Variants in VGLL4 observed in about 807,000 individuals in gnomAD.
VGLL4 encodes the protein vestigial like family member 4.
Under a neutral mutation model 21.0 loss-of-function variants are expected in VGLL4, and 7 were observed. The observed-to-expected ratio is 0.33, with a 90% CI of 0.19 to 0.63. The LOEUF is 0.63. Among genes scored for constraint, VGLL4 ranks in the 20% least tolerant of loss-of-function variants. VGLL4 has a pLI of 0.78. For synonymous variants in VGLL4, 222 were observed against 173.2 expected (o/e 1.28, Z -2.21); for missense variants, 394 against 425.7 (o/e 0.93, Z 0.66).
intron 2 of VGLL4, among the ~76,000 whole-genome samples, chr3:11,581,531 A>T (rs1434182332): frequency 2.6e-5 from 4 of 152,184 alleles, no homozygotes; most frequent in African/African-American, 9.7e-5. Context: ...CGGAACAAGG[A>T]GGGGACAAAA....
At chr3:11,628,298 G>A (rs959553430) in intron 1 of VGLL4, among the ~76,000 whole-genome samples, 1 of 152,028 alleles carries the variant, frequency 6.6e-6, no homozygotes, top group East Asian at 1.9e-4. Flanking sequence ...TGAAGCAGGA[G>A]AATGGCTTGA....
At chr3:11,622,834 CAG>C (rs1559906144) in intron 1 of VGLL4, among the ~76,000 whole-genome samples, 1 of 152,166 alleles carries the variant, frequency 6.6e-6, no homozygotes, top group Admixed American at 6.5e-5. Context: ...TCTGTCAAAT[CAG>C]AGAGACAGAT....
chr3:11,564,843 CTGCTGGCGT>C lies in VGLL4; in HGVS notation c.440_448del (p.Asp147_Arg150delinsGly). 6 of 1,602,302 alleles carry C rather than the reference CTGCTGGCGT, an allele frequency of 3.7e-6. No homozygotes were observed. The highest frequency in any genetic ancestry group is 5.1e-6 in the Non-Finnish European group (6 of 1,175,708). On this transcript the variant is annotated inframe_deletion, in exon 3 of 5. Coordinates refer to ENST00000430365, the MANE Select transcript of VGLL4 (RefSeq NM_001128219.3). The stretch of plus-strand genomic sequence containing the variant: ...CAGTGTGGGCGAGAGGCCGGCTGGC[CTGCTGGCGT>C]CCAGGCTGTTCTTGGTCAGTGCGAG...
At chr3:11,698,853 T>C (rs9811530) in intron 2 of VGLL4, among the ~76,000 whole-genome samples, 67,270 of 152,040 alleles carry the variant, frequency 0.44, 15,831 homozygotes, top group Non-Finnish European at 0.54. Flanking sequence ...TCAGGTATTA[T>C]AGACTCAAGT....
intron 1 of VGLL4, among the ~76,000 whole-genome samples, chr3:11,619,864 AC>A (rs946797689): frequency 1.2e-4 from 18 of 152,234 alleles, no homozygotes; most frequent in South Asian, 2.1e-4. Context: ...CTCTGTAGGA[AC>A]CAACATGCAT....
intron 2 of VGLL4, among the ~76,000 whole-genome samples, chr3:11,677,599 T>C (rs553549446): frequency 6.6e-6 from 1 of 152,198 alleles, no homozygotes; most frequent in Non-Finnish European, 1.5e-5. Context: ...TTAGAAGTGC[T>C]ATAGCGCGTA....
At chr3:11,691,580 A>G (rs572338842) in intron 2 of VGLL4, among the ~76,000 whole-genome samples, 1 of 152,310 alleles carries the variant, frequency 6.6e-6, no homozygotes, top group Admixed American at 6.5e-5. Flanking sequence ...CAGTGGCCAG[A>G]GCTGAGTGGT....
At position 11,559,378 on chromosome 3, in the gene VGLL4, G is replaced by T; in HGVS notation, c.573C>A (p.Ser191Arg). The stretch of plus-strand genomic sequence containing the variant: ...TGGCAGGCCCGGGCGCGGCACAGCC[G>T]CTGTGCGCGATGGGGCAGTGCGAGA... Reference protein sequence around the residue: ...CNLSHCPIAHSGCAAPGPASY... With the variant: ...CNLSHCPIAHRGCAAPGPASY... The change falls in exon 4 of 5, where the codon AGC (serine) becomes AGA (arginine). Residue 191 changes from serine (S) to arginine (R), a missense_variant. By Grantham distance (110) the Ser-to-Arg change is moderately radical. Transcript: ENST00000430365. 1 of 1,554,378 alleles carries T rather than the reference G, an allele frequency of 6.4e-7. No individual in the cohort carries two copies. The highest frequency in any genetic ancestry group is 8.7e-7 in the Non-Finnish European group (1 of 1,149,630).
chr3:11,635,245 G>A (rs888639280), intron 1 of VGLL4, among the ~76,000 whole-genome samples: 1 of 152,172 alleles, frequency 6.6e-6, no homozygotes, highest in Non-Finnish European at 1.5e-5. Context: ...TCTAATGGCT[G>A]GAACAAACAC....
intron 2 of VGLL4, among the ~76,000 whole-genome samples, chr3:11,595,842 G>GC (rs1491121153): frequency 0.02 from 392 of 19,140 alleles, 5 homozygotes; most frequent in East Asian, 0.13. Flanking sequence ...GTTGTGGTGT[G>GC]GGGGGGGCGG....
chr3:11,675,067 C>T (rs768179346), intron 2 of VGLL4, among the ~76,000 whole-genome samples: 6 of 152,214 alleles, frequency 3.9e-5, no homozygotes, highest in Non-Finnish European at 5.9e-5. Context: ...ATAGGCTGGG[C>T]GCAGTGGCTC....
chr3:11,687,080 T>C (rs1007102645), intron 2 of VGLL4, among the ~76,000 whole-genome samples: 1 of 152,210 alleles, frequency 6.6e-6, no homozygotes, highest in Non-Finnish European at 1.5e-5. Context: ...GTCAGTATTA[T>C]CCCATTCCAA....
chr3:11,630,229 A>G (rs1416275310), intron 1 of VGLL4, among the ~76,000 whole-genome samples: 3 of 152,276 alleles, frequency 2.0e-5, no homozygotes, highest in Non-Finnish European at 4.4e-5. Flanking sequence ...CAACAGTGTC[A>G]TAATAGGCAT....
chr3:11,716,196 G>A (rs2076916526), intron 1 of VGLL4, among the ~76,000 whole-genome samples: 14 of 151,832 alleles, frequency 9.2e-5, no homozygotes, highest in Admixed American at 9.2e-4. Context: ...CAGCTACTCG[G>A]GAGGCTGAGG....
chr3:11,627,029 T>C (rs1326170478), intron 1 of VGLL4, among the ~76,000 whole-genome samples: 1 of 151,832 alleles, frequency 6.6e-6, no homozygotes, highest in Non-Finnish European at 1.5e-5. Flanking sequence ...TTAAATGTAG[T>C]CATACTAGAA....
At chr3:11,582,505 G>C in intron 2 of VGLL4, 1 of 715,086 alleles carries the variant, frequency 1.4e-6, no homozygotes, top group Non-Finnish European at 2.2e-6. Context: ...GGGTAGGTCA[G>C]GAACTCCTGG....
chr3:11,599,957 T>C (rs1410800181), intron 2 of VGLL4, among the ~76,000 whole-genome samples: 2 of 152,204 alleles, frequency 1.3e-5, no homozygotes, highest in African/African-American at 4.8e-5. Flanking sequence ...ATATTATCTG[T>C]GATGAAAGAT....
intron 3 of VGLL4, among the ~76,000 whole-genome samples, chr3:11,562,032 G>A (rs892197554): frequency 2.0e-5 from 3 of 151,740 alleles, no homozygotes; most frequent in African/African-American, 7.3e-5. Context: ...CGAGTAGCTG[G>A]GATTACAGGC....
intron 2 of VGLL4, among the ~76,000 whole-genome samples, chr3:11,579,274 G>GA (rs1273205148): frequency 2.8e-5 from 4 of 145,218 alleles, no homozygotes; most frequent in African/African-American, 1.0e-4. Context: ...ATTACTTAAA[G>GA]AAAAAATTAT....
Sources: allele counts gnomAD v4.1 joint callset (sites outside exome capture counted in the v4.1 genomes callset), GRCh38; gene constraint gnomAD v4.1.1; transcripts MANE v1.5; gene names NCBI Gene and HGNC (gene_info 2026-07-23, HGNC 2026-07-21).